PARVB: variants seen among roughly 807,000 people sequenced by gnomAD.
PARVB encodes the protein parvin beta, also known as beta-parvin.
PARVB carries 46 observed loss-of-function variants against 47.0 expected under a neutral mutation model. The ratio of observed to expected loss-of-function variants is 0.98; its 90% CI spans 0.77 to 1.25. The LOEUF (loss-of-function observed/expected upper bound fraction) is 1.25, where lower values mean the gene tolerates loss of function less well. Among genes scored for constraint, PARVB ranks in the 50% most tolerant of loss-of-function variants. The pLI, the probability that PARVB is intolerant of heterozygous loss-of-function variation, is 0.00. For synonymous variants in PARVB, 196 were observed against 196.3 expected, an observed-to-expected ratio of 1.00 and a Z score of 0.01; for missense variants, 473 against 471.6, an observed-to-expected ratio of 1.00 and a Z score of -0.03.
At chr22:44,137,748 G>C (rs778628766) in intron 7 of PARVB, among the ~76,000 whole-genome samples, 7 of 152,010 alleles carry the variant, frequency 4.6e-5, no homozygotes, top group Non-Finnish European at 7.4e-5. Context: ...CACAGTGCTG[G>C]GCATCTTCCC....
intron 3 of PARVB, 145 bp from the exon 4 acceptor site, chr22:44,118,893 G>A: frequency 1.5e-6 from 1 of 655,942 alleles, no homozygotes. Flanking sequence ...TGGCCCCAGA[G>A]CTGTGCAGCC....
intron 10 of PARVB, among the ~76,000 whole-genome samples, chr22:44,156,455 T>A (rs900948215): frequency 1.3e-5 from 2 of 152,062 alleles, no homozygotes; most frequent in Non-Finnish European, 2.9e-5. Flanking sequence ...ATTTTTGTAT[T>A]TTTACTAGAG....
chr22:44,154,939 A>ATG (rs71188433), intron 10 of PARVB, among the ~76,000 whole-genome samples: 37,195 of 100,968 alleles, frequency 0.37, 6,614 homozygotes, highest in East Asian at 0.66. Flanking sequence ...GTGTGGTGTG[A>ATG]TGTGTGTGTG....
At chr22:44,095,556 C>T (rs1193442484) in intron 2 of PARVB, among the ~76,000 whole-genome samples, 1 of 152,134 alleles carries the variant, frequency 6.6e-6, no homozygotes, top group East Asian at 1.9e-4. Flanking sequence ...TAATATGCTT[C>T]TTCCCTTTGG....
chr22:44,082,672 C>T (rs913302444), intron 1 of PARVB, among the ~76,000 whole-genome samples: 1 of 152,194 alleles, frequency 6.6e-6, no homozygotes, highest in East Asian at 1.9e-4. Flanking sequence ...GTTTCTCGCC[C>T]AGGTGGGTTA....
intron 1 of PARVB, among the ~76,000 whole-genome samples, chr22:44,030,173 C>G (rs1393214711): frequency 1.3e-5 from 2 of 152,250 alleles, no homozygotes; most frequent in Non-Finnish European, 2.9e-5. Context: ...CTGCCCCCGC[C>G]TTTCCCCCCA....
intron 7 of PARVB, among the ~76,000 whole-genome samples, chr22:44,138,486 CCTCA>C (rs1479294288): frequency 3.2e-4 from 49 of 152,158 alleles, no homozygotes; most frequent in African/African-American, 1.1e-3. Context: ...GGTAGGTTCT[CCTCA>C]GGGCTGGTCA....
chr22:44,117,125 C>G (rs1253133727), intron 3 of PARVB, among the ~76,000 whole-genome samples: 1 of 152,070 alleles, frequency 6.6e-6, no homozygotes, highest in Admixed American at 6.5e-5. Context: ...GGAACCCCCT[C>G]TCCCCACCCC....
At chr22:44,042,187 C>T (rs1188928872) in intron 1 of PARVB, among the ~76,000 whole-genome samples, 1 of 151,990 alleles carries the variant, frequency 6.6e-6, no homozygotes, top group African/African-American at 2.4e-5. Context: ...TTTTGGAGGC[C>T]GAGGCAGGTG....
At position 44,123,823 on chromosome 22, in the gene PARVB, G is replaced by A. The variant is rs934902279; in HGVS notation, c.376+4683G>A. ...GGGGTTTATAGGCATGAGCCACTGCGCCTGGCCATAGTAGCTCCTTTTCAT... is the reference window on the plus strand; with the variant it reads ...GGGGTTTATAGGCATGAGCCACTGCACCTGGCCATAGTAGCTCCTTTTCAT... On this transcript the variant is annotated intron_variant, in intron 4 of 12. Coordinates refer to ENST00000338758, the MANE Select transcript of PARVB (RefSeq NM_013327.5). 5.3e-5 allele frequency among the ~76,000 whole-genome samples: 8 copies of A among 152,218 alleles called. No homozygotes were observed. The South Asian group carries it at 1.0e-3, about 20-fold the overall frequency.
chr22:44,141,726 G>T (rs1251681707), intron 8 of PARVB: 1 of 152,298 alleles, frequency 6.6e-6, no homozygotes, highest in Non-Finnish European at 1.5e-5. Context: ...GATGCAGCCA[G>T]CGTGTCCCCC....
rs2053538041 is a variant in PARVB at position 44,140,886 on chromosome 22, G to A, written c.712+743G>A. The A allele has an allele frequency of 1.3e-5, 3 of 234,868 alleles. No individual in the cohort carries two copies. In the South Asian group the frequency reaches 1.8e-4, roughly 14 times the overall value. The allele number at this position is 234,868 out of a possible 1,614,324, so 14.5% of individuals were successfully genotyped here. A position where few individuals can be genotyped will look rare whatever the true frequency, so the allele number is the denominator to read the frequency against. Reference sequence around the variant, plus strand: ...CCTCATCTTCATCTCGGTGAGGGATGGTAACGTTTCAACCCTCAGTACCAG... The same window carrying A: ...CCTCATCTTCATCTCGGTGAGGGATAGTAACGTTTCAACCCTCAGTACCAG... On this transcript the variant is annotated intron_variant, in intron 8 of 12. Transcript: ENST00000338758.
intron 5 of PARVB, among the ~76,000 whole-genome samples, chr22:44,132,152 G>T (rs939887879): frequency 3.3e-5 from 5 of 152,196 alleles, no homozygotes; most frequent in African/African-American, 1.2e-4. Context: ...GGGCCATGAG[G>T]GTGTGGCTTC....
At chr22:44,031,271 A>C (rs1372553407) in intron 1 of PARVB, 1 of 152,158 alleles carries the variant, frequency 6.6e-6, no homozygotes, top group Non-Finnish European at 1.5e-5. Context: ...GTGAGGGCCT[A>C]TCTCTTTCCT....
At chr22:44,127,283 T>C (rs962607337) in intron 4 of PARVB, among the ~76,000 whole-genome samples, 2 of 151,806 alleles carry the variant, frequency 1.3e-5, no homozygotes, top group Non-Finnish European at 2.9e-5. Context: ...AAAAGAACAG[T>C]GGACTAGAAT....
At chr22:44,033,644 C>T (rs1243315412) in intron 1 of PARVB, among the ~76,000 whole-genome samples, 3 of 152,152 alleles carry the variant, frequency 2.0e-5, no homozygotes, top group Admixed American at 6.5e-5. Context: ...CACAATCAGT[C>T]GGTAATGTTG....
At chr22:44,009,643 T>C (rs1017324995) in intron 2 of PARVB, 3 of 150,868 alleles carry the variant, frequency 2.0e-5, no homozygotes, top group Admixed American at 1.3e-4. Flanking sequence ...ATTACATATA[T>C]ATAAAATAGG....
intron 4 of PARVB, among the ~76,000 whole-genome samples, chr22:44,122,136 T>C (rs1465636719): frequency 6.6e-6 from 1 of 152,248 alleles, no homozygotes; most frequent in Non-Finnish European, 1.5e-5. Flanking sequence ...TATTTAATAT[T>C]ACTTTTAAAA....
chr22:44,075,323 C>T (rs2051745051), intron 1 of PARVB, among the ~76,000 whole-genome samples: 1 of 152,210 alleles, frequency 6.6e-6, no homozygotes, highest in Non-Finnish European at 1.5e-5. Context: ...ATTTTTAGAG[C>T]ACTTTTAAGT....
Sources: gnomAD v4.1 joint callset for allele counts (sites outside exome capture counted in the v4.1 genomes callset) on GRCh38, gnomAD v4.1.1 for gene constraint, MANE v1.5 for transcripts, NCBI Gene and HGNC (gene_info 2026-07-23, HGNC 2026-07-21) for gene names.